The following NRG3 variants were observed in gnomAD, a reference collection of about 807,000 sequenced individuals.
NRG3 encodes pro-neuregulin-3, membrane-bound isoform.
NRG3 carries 31 observed loss-of-function variants against 66.9 expected under a neutral mutation model. The ratio of observed to expected loss-of-function variants is 0.46; its 90% CI spans 0.35 to 0.63. The LOEUF (loss-of-function observed/expected upper bound fraction) is 0.63. Ranked by LOEUF, NRG3 falls within the 20% of genes least tolerant of loss-of-function variation. The probability of loss-of-function intolerance (pLI) is 0.00; values close to 1 mark genes in which losing one functional copy is unlikely to be tolerated. For synonymous variants in NRG3, 393 were observed against 359.4 expected (o/e 1.09, Z -1.06); for missense variants, 910 against 878.9 (o/e 1.04, Z -0.45).
At chr10:82,344,085 T>G (rs11595415) in intron 1 of NRG3, among the ~76,000 whole-genome samples, 9,686 of 151,814 alleles carry the variant, frequency 0.064, 400 homozygotes, top group Non-Finnish European at 0.097. Context: ...TATTATACTT[T>G]AAGTTTTAGG....
At chr10:82,563,938 G>A (rs2133044764) in intron 2 of NRG3, among the ~76,000 whole-genome samples, 1 of 152,116 alleles carries the variant, frequency 6.6e-6, no homozygotes, top group African/African-American at 2.4e-5. Flanking sequence ...TATTCAAAGA[G>A]AGATCATACA....
rs550174271 is a variant in NRG3, at chr10:81,973,085, T to G, written c.823+96922T>G. On this transcript the variant is annotated intron_variant, in intron 1 of 8. Transcript: ENST00000372141. ...TCTCCCTCCTCCCACCCTTCACCCC[T>G]GAAAGGCCCCAGTGTGTGTTGTTCC... Among the ~76,000 whole-genome samples, 10 of 152,194 alleles carry G rather than the reference T, an allele frequency of 6.6e-5. No homozygotes were observed. The South Asian group carries it at 2.1e-3, about 32-fold the overall frequency.
chr10:81,947,686 G>A (rs1426754521), intron 1 of NRG3, among the ~76,000 whole-genome samples: 1 of 151,652 alleles, frequency 6.6e-6, no homozygotes, highest in Non-Finnish European at 1.5e-5. Context: ...CAAATGATAT[G>A]GTAACATAAT....
intron 2 of NRG3, among the ~76,000 whole-genome samples, chr10:82,730,056 A>T (rs866857969): frequency 6.6e-6 from 1 of 151,824 alleles, no homozygotes; most frequent in African/African-American, 2.4e-5. Flanking sequence ...CTAAAGGGAA[A>T]ATCCCTACAT....
chr10:82,723,069 C>T (rs755238819), intron 2 of NRG3, among the ~76,000 whole-genome samples: 25 of 152,116 alleles, frequency 1.6e-4, no homozygotes, highest in Admixed American at 4.6e-4. Context: ...TGGAATCAAC[C>T]TAGGTGCTGA....
At chr10:82,085,869 C>T (rs186501710) in intron 1 of NRG3, among the ~76,000 whole-genome samples, 1 of 152,164 alleles carries the variant, frequency 6.6e-6, no homozygotes, top group Non-Finnish European at 1.5e-5. Context: ...GAACTCTGAC[C>T]TCAGGTGATC....
chr10:82,336,880 T>G (rs559310112), intron 1 of NRG3, among the ~76,000 whole-genome samples: 5 of 152,332 alleles, frequency 3.3e-5, no homozygotes, highest in Non-Finnish European at 7.3e-5. Flanking sequence ...TTAATTGCTT[T>G]CCAACAATCA....
At chr10:82,559,139 A>AT (rs946200813) in intron 2 of NRG3, among the ~76,000 whole-genome samples, 9 of 151,004 alleles carry the variant, frequency 6.0e-5, no homozygotes, top group East Asian at 3.9e-4. Flanking sequence ...TCATCTATGT[A>AT]TTTTTTTTTC....
intron 1 of NRG3, among the ~76,000 whole-genome samples, chr10:82,215,291 G>A (rs967130359): frequency 7.2e-5 from 11 of 152,034 alleles, no homozygotes; most frequent in Non-Finnish European, 1.3e-4. Context: ...GAACAATATG[G>A]CTTTTATAAG....
At chr10:82,408,054 A>AGAGAGAGAGAGAGC (rs1260625112) in intron 2 of NRG3, among the ~76,000 whole-genome samples, 5 of 113,310 alleles carry the variant, frequency 4.4e-5, no homozygotes, top group Admixed American at 9.3e-5. Flanking sequence ...ATCGAGAGAG[A>AGAGAGAGAGAGAGC]GAGAGAGAGA....
chr10:82,049,919 C>A (rs2063510719), intron 1 of NRG3, among the ~76,000 whole-genome samples: 1 of 151,932 alleles, frequency 6.6e-6, no homozygotes, highest in Admixed American at 6.6e-5. Flanking sequence ...TTGTTTATTT[C>A]CTGTTGTGCC....
At position 81,903,992 on chromosome 10, in the gene NRG3, ATATATTTT is replaced by A. The variant is rs1327626571; in HGVS notation, c.823+27831_823+27838del. ...AGAGTGTGTATATATATATATATAT[ATATATTTT>A]TTTTTTTTGTTTGTTTGTTTGTTTT... On this transcript the variant is annotated intron_variant, in intron 1 of 8. Transcript: ENST00000372141. 5.2e-3 allele frequency among the ~76,000 whole-genome samples: 526 copies of A among 100,242 alleles called. 5 individuals carry two copies. The highest frequency in any genetic ancestry group is 0.022 in the African/African-American group (501 of 23,134). The allele number at this position is 100,242 out of a possible 152,430, so 65.8% of individuals were successfully genotyped here.
intron 2 of NRG3, among the ~76,000 whole-genome samples, chr10:82,665,898 TG>T (rs1453581313): frequency 2.0e-5 from 3 of 152,178 alleles, no homozygotes; most frequent in Non-Finnish European, 2.9e-5. Flanking sequence ...AGTCTCACTC[TG>T]TTGCACAGGA....
intron 1 of NRG3, among the ~76,000 whole-genome samples, chr10:81,942,723 G>A (rs191303306): frequency 5.4e-4 from 82 of 152,200 alleles, no homozygotes; most frequent in Middle Eastern, 3.4e-3. Context: ...TATGCCGTTT[G>A]AGGACCTCAC....
intron 3 of NRG3, among the ~76,000 whole-genome samples, chr10:82,852,599 T>C (rs994438240): frequency 1.3e-5 from 2 of 152,190 alleles, no homozygotes; most frequent in Non-Finnish European, 2.9e-5. Context: ...GGGAGGAGGA[T>C]GTCATTCAGA....
intron 3 of NRG3, among the ~76,000 whole-genome samples, chr10:82,761,083 T>C (rs539232292): frequency 1.4e-4 from 21 of 151,936 alleles, no homozygotes; most frequent in African/African-American, 4.8e-4. Context: ...TACAGATGAC[T>C]TGAGCTAATT....
chr10:82,973,568 C>T (rs181086606), intron 6 of NRG3, among the ~76,000 whole-genome samples: 158 of 152,292 alleles, frequency 1.0e-3, no homozygotes, highest in African/African-American at 3.3e-3. Flanking sequence ...GAAGAACCCT[C>T]TTCAATGGAT....
chr10:82,733,025 C>A (rs1019593492), intron 2 of NRG3, among the ~76,000 whole-genome samples: 1 of 151,968 alleles, frequency 6.6e-6, no homozygotes, highest in Non-Finnish European at 1.5e-5. Flanking sequence ...CATTTTTTTT[C>A]CCTATGAATA....
At chr10:82,849,480 G>T (rs1164843881) in intron 3 of NRG3, among the ~76,000 whole-genome samples, 1 of 152,150 alleles carries the variant, frequency 6.6e-6, no homozygotes, top group East Asian at 1.9e-4. Flanking sequence ...CTAGTGTGGA[G>T]CAGAAAAGGA....
Sources: gnomAD v4.1 joint callset for allele counts (sites outside exome capture counted in the v4.1 genomes callset) on GRCh38, gnomAD v4.1.1 for gene constraint, MANE v1.5 for transcripts, NCBI Gene and HGNC (gene_info 2026-07-23, HGNC 2026-07-21) for gene names.